The following MRPL1 variants were observed in gnomAD, a reference collection of about 807,000 sequenced individuals.
The protein encoded by MRPL1 is mitochondrial ribosomal protein L1, also known as large ribosomal subunit protein uL1m.
MRPL1 carries 28 observed loss-of-function variants against 38.0 expected under a neutral mutation model. The observed-to-expected ratio is 0.74, with a 90% CI of 0.55 to 1.01. MRPL1 has a LOEUF of 1.01. MRPL1 is among the 50% of genes least tolerant of loss of function. MRPL1 has a pLI of 0.00. For missense variants in MRPL1, 358 were observed against 389.8 expected (o/e 0.92, Z 0.69); for synonymous variants, 123 against 126.7 (o/e 0.97, Z 0.20).
intron 7 of MRPL1, among the ~76,000 whole-genome samples, chr4:77,913,709 C>T (rs7671941): frequency 0.22 from 33,764 of 152,094 alleles, 4,758 homozygotes; most frequent in African/African-American, 0.39. Flanking sequence ...TCAGATTTAT[C>T]TGTGATAGCC....
At chr4:77,950,754 T>C (rs1737389885) in intron 8 of MRPL1, among the ~76,000 whole-genome samples, 1 of 152,226 alleles carries the variant, frequency 6.6e-6, no homozygotes, top group African/African-American at 2.4e-5. Context: ...CAGGATCCTC[T>C]TGAGACAATA....
chr4:77,909,159 C>T, intron 6 of MRPL1, 107 bp from the exon 7 acceptor site: 2 of 754,518 alleles, frequency 2.7e-6, no homozygotes, highest in South Asian at 1.6e-5. Context: ...AGTTTATCTG[C>T]CACAATTTAT....
intron 7 of MRPL1, among the ~76,000 whole-genome samples, chr4:77,929,760 G>C (rs1319987551): frequency 1.2e-5 from 1 of 85,136 alleles, no homozygotes; most frequent in African/African-American, 7.0e-5. Context: ...CCCTTTAAAG[G>C]GTTTTATTTA....
In MRPL1 at chr4:77,911,088, G is replaced by C. The variant is rs190055496; in HGVS notation, c.777+1716G>C. Among the ~76,000 whole-genome samples, 358 of 152,230 alleles carry C rather than the reference G, an allele frequency of 2.4e-3. 2 individuals carry two copies. The highest frequency in any genetic ancestry group is 8.2e-3 in the African/African-American group (340 of 41,538). ...TTTAAGGAAGTTTCTTAATGTTGTT[G>C]TGTCTCAAATTTCCTCATCTATAAA... On this transcript the variant is annotated intron_variant, in intron 7 of 8. Transcript: ENST00000315567.
At chr4:77,919,481 C>T (rs1438320032) in intron 7 of MRPL1, among the ~76,000 whole-genome samples, 1 of 133,748 alleles carries the variant, frequency 7.5e-6, no homozygotes, top group Non-Finnish European at 1.6e-5. Flanking sequence ...TTTCCTTTCA[C>T]TTTTGTTAAT....
intron 2 of MRPL1, among the ~76,000 whole-genome samples, chr4:77,877,267 G>A (rs928619823): frequency 6.6e-6 from 1 of 152,134 alleles, no homozygotes; most frequent in Non-Finnish European, 1.5e-5. Flanking sequence ...AGGGACTGAA[G>A]TAAATAATAT....
intron 8 of MRPL1, among the ~76,000 whole-genome samples, chr4:77,951,819 G>T (rs962164784): frequency 6.6e-6 from 1 of 152,156 alleles, no homozygotes; most frequent in African/African-American, 2.4e-5. Flanking sequence ...TGTGGGTTGT[G>T]TACGTGTGCC....
chr4:77,901,620 C>T (rs1449336506), intron 6 of MRPL1, among the ~76,000 whole-genome samples: 4 of 152,014 alleles, frequency 2.6e-5, no homozygotes, highest in Non-Finnish European at 5.9e-5. Context: ...ACAAAATAGA[C>T]TTTTAAGACA....
At chr4:77,913,924 G>A (rs1736354799) in intron 7 of MRPL1, among the ~76,000 whole-genome samples, 1 of 152,190 alleles carries the variant, frequency 6.6e-6, no homozygotes, top group Non-Finnish European at 1.5e-5. Flanking sequence ...AATGTATGAT[G>A]ACAGAAAGCA....
intron 3 of MRPL1, among the ~76,000 whole-genome samples, chr4:77,884,259 A>G (rs1002310995): frequency 2.0e-5 from 3 of 151,992 alleles, no homozygotes; most frequent in Non-Finnish European, 2.9e-5. Context: ...AAAAAAAAAA[A>G]AGAGAATTTG....
intron 5 of MRPL1, among the ~76,000 whole-genome samples, chr4:77,887,631 TCCTCCTG>T (rs1465865884): frequency 6.6e-6 from 1 of 152,072 alleles, no homozygotes; most frequent in East Asian, 1.9e-4. Flanking sequence ...GCTCAAGCAA[TCCTCCTG>T]CCTCAGCCTT....
intron 1 of MRPL1, among the ~76,000 whole-genome samples, chr4:77,865,245 CT>C (rs879615042): frequency 3.3e-5 from 5 of 152,168 alleles, no homozygotes; most frequent in Admixed American, 1.3e-4. Flanking sequence ...TGGGATCACT[CT>C]TCTGAACTTT....
chr4:77,905,916 C>T (rs1164938160), intron 6 of MRPL1, among the ~76,000 whole-genome samples: 1 of 152,174 alleles, frequency 6.6e-6, no homozygotes. Flanking sequence ...ATCATATTTA[C>T]TCCTTACTAA....
intron 7 of MRPL1, among the ~76,000 whole-genome samples, chr4:77,939,517 T>C (rs1737068704): frequency 6.6e-6 from 1 of 152,242 alleles, no homozygotes; most frequent in African/African-American, 2.4e-5. Flanking sequence ...ATTGTTTCTT[T>C]TGCTGCGCAG....
chr4:77,917,646 A>G (rs1404832814), intron 7 of MRPL1, among the ~76,000 whole-genome samples: 2 of 152,230 alleles, frequency 1.3e-5, no homozygotes, highest in South Asian at 2.1e-4. Context: ...TGATCCAGAC[A>G]CAATGCTGGT....
At chr4:77,930,447 C>G (rs901158361) in intron 7 of MRPL1, among the ~76,000 whole-genome samples, 1 of 152,186 alleles carries the variant, frequency 6.6e-6, no homozygotes, top group Admixed American at 6.5e-5. Context: ...AATGCAAACC[C>G]TATTGTGAAC....
intron 6 of MRPL1, among the ~76,000 whole-genome samples, chr4:77,908,932 A>T (rs1322825761): frequency 1.3e-5 from 2 of 152,204 alleles, no homozygotes; most frequent in African/African-American, 4.8e-5. Flanking sequence ...CTCTCAGCTT[A>T]TTGCCCTGTG....
chr4:77,952,124 CTTTGA>C (rs910696520), intron 8 of MRPL1, among the ~76,000 whole-genome samples: 4 of 152,302 alleles, frequency 2.6e-5, no homozygotes, highest in South Asian at 2.1e-4. Context: ...AACACTTAGT[CTTTGA>C]TTTAAGTCAC....
chr4:77,916,711 C>A (rs1314827208), intron 7 of MRPL1, among the ~76,000 whole-genome samples: 1 of 152,092 alleles, frequency 6.6e-6, no homozygotes, highest in African/African-American at 2.4e-5. Context: ...CTATCATATA[C>A]CATAATCAGT....
Sources: allele counts gnomAD v4.1 joint callset (sites outside exome capture counted in the v4.1 genomes callset), GRCh38; gene constraint gnomAD v4.1.1; transcripts MANE v1.5; gene names NCBI Gene and HGNC (gene_info 2026-07-23, HGNC 2026-07-21).